The following CASK variants were observed in gnomAD, a reference collection of about 807,000 sequenced individuals.
CASK encodes peripheral plasma membrane protein CASK.
A neutral mutation model predicts 82.9 loss-of-function variants in CASK; 4 were observed. That is an observed-to-expected ratio of 0.05 (90% CI 0.02 to 0.11). The LOEUF is 0.11. Ranked by LOEUF, CASK falls within the 10% of genes least tolerant of loss-of-function variation. The pLI is 1.00. For missense variants in CASK, 358 were observed against 720.9 expected, an observed-to-expected ratio of 0.50 and a Z score of 5.76; for synonymous variants, 259 against 253.5, an observed-to-expected ratio of 1.02 and a Z score of -0.20.
intron 12 of CASK, among the ~76,000 whole-genome samples, chrX:41,598,100 C>T (rs2065845269): frequency 9.2e-6 from 1 of 108,551 alleles, no homozygotes; most frequent in African/African-American, 3.4e-5. Flanking sequence ...GATTGCATGA[C>T]CGCACTCCAG....
At chrX:41,710,133 T>TGTGTGTGTGTG (rs1569412776) in intron 5 of CASK, among the ~76,000 whole-genome samples, 2 of 30,787 alleles carry the variant, frequency 6.5e-5, no homozygotes, top group East Asian at 8.4e-4. Context: ...GTGTGTGTGT[T>TGTGTGTGTGTG]TTGTACCTGG....
intron 21 of CASK, among the ~76,000 whole-genome samples, chrX:41,549,577 C>G: frequency 1.8e-5 from 2 of 112,465 alleles, no homozygotes; most frequent in South Asian, 7.3e-4. Context: ...TGGTAGCTCA[C>G]ACAGGTAATC....
At chrX:41,588,215 C>T (rs1190393025) in intron 13 of CASK, 2 of 111,829 alleles carry the variant, frequency 1.8e-5, no homozygotes, top group Non-Finnish European at 3.8e-5. Flanking sequence ...ACCAATTATC[C>T]TTGGTGTATT....
chrX:41,534,652 A>G, intron 24 of CASK, 54 bp downstream of exon 24: 1 of 910,898 alleles, frequency 1.1e-6, no homozygotes. Context: ...TAAATTATAG[A>G]GTTAAAAAAG....
At chrX:41,601,868 C>T (rs749337578) in intron 12 of CASK, among the ~76,000 whole-genome samples, 1 of 110,558 alleles carries the variant, frequency 9.0e-6, no homozygotes, top group African/African-American at 3.3e-5. Flanking sequence ...TATGGATCTC[C>T]AACTGCTCCA....
chrX:41,663,674 C>A (rs1052364883), intron 7 of CASK, among the ~76,000 whole-genome samples: 1 of 111,769 alleles, frequency 8.9e-6, no homozygotes, highest in Admixed American at 9.5e-5. Flanking sequence ...AGGAAGAATT[C>A]TATTATTAGC....
At chrX:41,575,878 TA>T (rs1427577001) in intron 15 of CASK, among the ~76,000 whole-genome samples, 1 of 111,592 alleles carries the variant, frequency 9.0e-6, no homozygotes, top group Non-Finnish European at 1.9e-5. Context: ...AGGAGACTTT[TA>T]GGGGAGACTC....
intron 9 of CASK, among the ~76,000 whole-genome samples, chrX:41,635,550 T>C (rs1253635920): frequency 9.0e-6 from 1 of 111,421 alleles, no homozygotes; most frequent in Non-Finnish European, 1.9e-5. Context: ...TCAATTTCCC[T>C]TTGTTACTCT....
chrX:41,685,484 T>G (rs1415585592), intron 5 of CASK, among the ~76,000 whole-genome samples: 3 of 111,764 alleles, frequency 2.7e-5, no homozygotes, highest in Non-Finnish European at 5.6e-5. Flanking sequence ...TTTTAAATTT[T>G]TTATTTTATT....
At chrX:41,706,130 AGCT>A (rs1050590444) in intron 5 of CASK, among the ~76,000 whole-genome samples, 1 of 111,926 alleles carries the variant, frequency 8.9e-6, no homozygotes. Context: ...AATAACTTTC[AGCT>A]GGCTGCAAAG....
At chrX:41,780,813 T>C (rs1384801424) in intron 3 of CASK, among the ~76,000 whole-genome samples, 1 of 109,994 alleles carries the variant, frequency 9.1e-6, no homozygotes, top group Non-Finnish European at 1.9e-5. Flanking sequence ...CACACCCGGC[T>C]AATTTTTGTA....
chrX:41,598,919 T>C (rs1447162424), intron 12 of CASK, among the ~76,000 whole-genome samples: 2 of 112,242 alleles, frequency 1.8e-5, no homozygotes, highest in South Asian at 3.7e-4. Flanking sequence ...TGCATGGAGA[T>C]AGCAAACTCC....
chrX:41,883,618 AT>A (rs2071990814), intron 1 of CASK, among the ~76,000 whole-genome samples: 1 of 111,614 alleles, frequency 9.0e-6, no homozygotes, highest in African/African-American at 3.3e-5. Flanking sequence ...AAGAAGAAAA[AT>A]ATCGACATTT....
At chrX:41,595,316 A>C (rs2065804936) in intron 12 of CASK, among the ~76,000 whole-genome samples, 1 of 112,421 alleles carries the variant, frequency 8.9e-6, no homozygotes, top group Admixed American at 9.4e-5. Context: ...AAGAGACCTT[A>C]GGGCTGGGTG....
chrX:41,727,129 C>A, intron 5 of CASK: 1 of 1,195,485 alleles, frequency 8.4e-7, no homozygotes, highest in Non-Finnish European at 1.1e-6. Context: ...TGGAAACACT[C>A]TCTCTCAATG....
chrX:41,739,294 T>C, intron 5 of CASK, 90 bp downstream of exon 5: 1 of 627,538 alleles, frequency 1.6e-6, no homozygotes, highest in Non-Finnish European at 2.6e-6. Flanking sequence ...AGATGTTCTT[T>C]ATGACAATAT....
intron 3 of CASK, among the ~76,000 whole-genome samples, chrX:41,780,809 C>A (rs776541521): frequency 9.5e-6 from 1 of 105,748 alleles, no homozygotes; most frequent in Non-Finnish European, 1.9e-5. Flanking sequence ...CCACCACACC[C>A]GGCTAATTTT....
rs749358228 is a variant in CASK at position 41,518,556 on chromosome X, G to GA, written c.*1863dup. 17 of 103,565 alleles carry GA rather than the reference G, an allele frequency of 1.6e-4. No individual in the cohort carries two copies. Among genetic ancestry groups the GA allele is most frequent in the Admixed American group, 3.2e-4 (3 of 9,477 alleles). The allele number at this position is 103,565 out of a possible 1,213,427, so 8.5% of individuals were successfully genotyped here. On this transcript the variant is annotated 3_prime_UTR_variant, in exon 27 of 27. Coordinates refer to ENST00000378163, the MANE Select transcript of CASK (RefSeq NM_001367721.1). ...TGGTCACTGGCAAAGAACAACATCA[G>GA]AAAAAAAAAAATCGCCACCATTTAA...
chrX:41,834,136 G>C (rs1284928178), intron 2 of CASK, among the ~76,000 whole-genome samples: 1 of 112,086 alleles, frequency 8.9e-6, no homozygotes, highest in Non-Finnish European at 1.9e-5. Flanking sequence ...ACTTGAAAAA[G>C]TATGTTATTG....
Sources: allele counts gnomAD v4.1 joint callset (sites outside exome capture counted in the v4.1 genomes callset), GRCh38; gene constraint gnomAD v4.1.1; transcripts MANE v1.5; gene names NCBI Gene and HGNC (gene_info 2026-07-23, HGNC 2026-07-21).